Variants in UBXN7 observed in about 807,000 individuals in gnomAD.
The protein encoded by UBXN7 is UBX domain protein 7, also known as UBX domain-containing protein 7.
In UBXN7, 9 loss-of-function variants were observed where a neutral mutation model predicts 58.0. That is an observed-to-expected ratio of 0.16 (90% confidence interval 0.09 to 0.27). The LOEUF (loss-of-function observed/expected upper bound fraction) is 0.27. Ranked by LOEUF, UBXN7 falls within the 10% of genes least tolerant of loss-of-function variation. The pLI is 1.00. For synonymous variants in UBXN7, 208 were observed against 205.0 expected, an observed-to-expected ratio of 1.01 and a Z score of -0.12; for missense variants, 328 against 599.6, an observed-to-expected ratio of 0.55 and a Z score of 4.73.
At position 196,391,898 on chromosome 3, in the gene UBXN7, C is replaced by T; in HGVS notation, c.383G>A (p.Gly128Glu). The T allele has an allele frequency of 6.2e-7, 1 of 1,609,752 alleles. No homozygotes were observed. Among genetic ancestry groups the T allele is most frequent in the South Asian group, 1.1e-5 (1 of 90,694 alleles). The stretch of plus-strand genomic sequence containing the variant: ...AGTTAATTTCTTATCGATAGCTCCT[C>T]CATTTCTTAATTCTTGTTCTTGCCG... ...TIRQEQELRN[G>E]GAIDKKLTTL... Residue 128 changes from glycine to glutamate, a missense_variant, in exon 5 of 11, where the codon GGA (glycine) becomes GAA (glutamate). Physicochemically the swap from Gly to Glu is moderately conservative, Grantham distance 98. Around this residue, in one of 4 missense-constraint regions of UBXN7, gnomAD observed 126 missense variants for 302.6 expected, o/e 0.42. Transcript: ENST00000296328.
intron 3 of UBXN7, chr3:196,400,047 T>C (rs908609657): frequency 1.3e-5 from 2 of 152,088 alleles, no homozygotes; most frequent in Non-Finnish European, 2.9e-5. Context: ...ATCAATATAA[T>C]TACCTCCCGG....
At chr3:196,417,642 A>G (rs76789492) in intron 1 of UBXN7, among the ~76,000 whole-genome samples, 6,792 of 143,888 alleles carry the variant, frequency 0.047, 193 homozygotes, top group Non-Finnish European at 0.065. Context: ...GGTGGCTCAC[A>G]CTGTAATCCC....
At chr3:196,385,817 G>A (rs12064103) in intron 5 of UBXN7, among the ~76,000 whole-genome samples, 135 of 146,096 alleles carry the variant, frequency 9.2e-4, no homozygotes, top group East Asian at 5.0e-3. Context: ...GCCTCTGCCC[G>A]GCCGCCCCGT....
intron 1 of UBXN7, among the ~76,000 whole-genome samples, chr3:196,428,336 C>T (rs954866995): frequency 6.6e-6 from 1 of 151,760 alleles, no homozygotes; most frequent in Non-Finnish European, 1.5e-5. Flanking sequence ...TGCCTGTAGT[C>T]TTAACTGCTC....
At chr3:196,373,474 C>T (rs1330879941) in intron 5 of UBXN7, among the ~76,000 whole-genome samples, 1 of 152,168 alleles carries the variant, frequency 6.6e-6, no homozygotes, top group Non-Finnish European at 1.5e-5. Flanking sequence ...AGAACAGTGA[C>T]ACGAAACCAC....
intron 1 of UBXN7, among the ~76,000 whole-genome samples, chr3:196,427,552 C>T (rs985906606): frequency 2.0e-5 from 3 of 152,174 alleles, no homozygotes; most frequent in East Asian, 1.9e-4. Flanking sequence ...TCCTGACCTC[C>T]GGTGATCCAC....
At chr3:196,369,392 T>TA in intron 7 of UBXN7, 29 bp downstream of exon 7, 1 of 1,520,922 alleles carries the variant, frequency 6.6e-7, no homozygotes, top group Non-Finnish European at 9.1e-7. Flanking sequence ...AGTAATAGGT[T>TA]AAAAGCTGCG....
intron 8 of UBXN7, among the ~76,000 whole-genome samples, chr3:196,367,717 C>T (rs1479423298): frequency 1.3e-5 from 2 of 152,200 alleles, no homozygotes; most frequent in African/African-American, 4.8e-5. Context: ...TACCACTAGG[C>T]TTGCCAGGTC....
intron 6 of UBXN7, among the ~76,000 whole-genome samples, chr3:196,370,481 A>G (rs1011615644): frequency 6.6e-6 from 1 of 151,642 alleles, no homozygotes; most frequent in African/African-American, 2.4e-5. Flanking sequence ...GAAAAAAGAA[A>G]AGAAAAGAAA....
At chr3:196,381,899 G>T (rs895530868) in intron 5 of UBXN7, among the ~76,000 whole-genome samples, 1 of 152,164 alleles carries the variant, frequency 6.6e-6, no homozygotes, top group Admixed American at 6.5e-5. Flanking sequence ...AGTGATTGAA[G>T]ATCAAATTAA....
intron 1 of UBXN7, among the ~76,000 whole-genome samples, chr3:196,420,761 G>A (rs1426388200): frequency 6.6e-6 from 1 of 152,018 alleles, no homozygotes; most frequent in Non-Finnish European, 1.5e-5. Context: ...CCTTAACCCA[G>A]CTGTGGCACA....
chr3:196,403,096 T>A (rs1028230357), intron 2 of UBXN7, 77 bp from the exon 3 acceptor site: 2 of 1,359,262 alleles, frequency 1.5e-6, no homozygotes, highest in Non-Finnish European at 2.0e-6. Context: ...ATACTGTGAA[T>A]ATATTCAAAT....
At chr3:196,368,982 C>T (rs1728745197) in intron 7 of UBXN7, among the ~76,000 whole-genome samples, 1 of 152,060 alleles carries the variant, frequency 6.6e-6, no homozygotes, top group African/African-American at 2.4e-5. Context: ...GCCACCATGC[C>T]CGGCTAATTT....
intron 5 of UBXN7, among the ~76,000 whole-genome samples, chr3:196,379,111 AT>A (rs1729120969): frequency 8.9e-6 from 1 of 112,506 alleles, no homozygotes; most frequent in Non-Finnish European, 1.8e-5. Context: ...GTTTTGGGGG[AT>A]TTTAGCCACA....
Position 196,361,927 on chromosome 3 carries a change from A to C in UBXN7, c.1229-4T>G. On this transcript the variant is annotated splice_region_variant and splice_polypyrimidine_tract_variant and intron_variant, in intron 9 of 10. Coordinates refer to ENST00000296328, the MANE Select transcript of UBXN7 (RefSeq NM_015562.2). ...AACATCAGCTGTGCTTTTGGTCCTA[A>C]AGGAAGGGTTTAAAAAAAAAAAAAA... 6.2e-7 allele frequency: 1 copy of C among 1,612,056 alleles called. No individual in the cohort carries two copies. Among genetic ancestry groups the C allele is most frequent in the Non-Finnish European group, 8.5e-7 (1 of 1,179,364 alleles).
Position 196,356,518 on chromosome 3 carries a change from G to A in UBXN7, c.*167C>T. On this transcript the variant is annotated 3_prime_UTR_variant, in exon 11 of 11. Transcript: ENST00000296328. Reference sequence around the variant, plus strand: ...CAGAAGAGGAGAAAGAAACAAAGGGGGAGAAAGAGACTGATTATAGGAGAG... The same window carrying A: ...CAGAAGAGGAGAAAGAAACAAAGGGAGAGAAAGAGACTGATTATAGGAGAG... 1.5e-6 allele frequency: 1 copy of A among 668,336 alleles called. No individual in the cohort carries two copies. The highest frequency in any genetic ancestry group is 3.7e-5 in the Admixed American group (1 of 27,236). The allele number at this position is 668,336 out of a possible 1,614,324, so 41.4% of individuals were successfully genotyped here.
intron 3 of UBXN7, among the ~76,000 whole-genome samples, chr3:196,396,566 T>C (rs1413087031): frequency 2.6e-5 from 4 of 151,934 alleles, no homozygotes; most frequent in African/African-American, 7.3e-5. Context: ...ATTGAGACCA[T>C]ACTGGCTAAC....
At chr3:196,383,742 T>C (rs2108840593) in intron 5 of UBXN7, among the ~76,000 whole-genome samples, 1 of 152,296 alleles carries the variant, frequency 6.6e-6, no homozygotes, top group East Asian at 1.9e-4. Flanking sequence ...TGATGTTCTT[T>C]GAAACCAATG....
At chr3:196,359,821 G>T (rs1728457175) in intron 10 of UBXN7, among the ~76,000 whole-genome samples, 1 of 151,900 alleles carries the variant, frequency 6.6e-6, no homozygotes, top group African/African-American at 2.4e-5. Context: ...AAGGAGAACT[G>T]CTTGAACCCG....
Sources: allele counts gnomAD v4.1 joint callset (sites outside exome capture counted in the v4.1 genomes callset), GRCh38; gene constraint gnomAD v4.1.1; regional missense constraint gnomAD v4.1.1; transcripts MANE v1.5; gene names NCBI Gene and HGNC (gene_info 2026-07-23, HGNC 2026-07-21).